The following GARRE1 variants were observed in gnomAD, a reference collection of about 807,000 sequenced individuals.
GARRE1 encodes the protein granule associated Rac and RHOG effector protein 1.
In GARRE1, 49 loss-of-function variants were observed where a neutral mutation model predicts 103.2. The observed-to-expected ratio is 0.47, with a 90% CI of 0.38 to 0.60. GARRE1 has a LOEUF of 0.60. Among genes scored for constraint, GARRE1 ranks in the 20% least tolerant of loss-of-function variants. GARRE1 has a pLI of 0.00. For synonymous variants in GARRE1, 505 were observed against 532.8 expected (o/e 0.95, Z 0.72); for missense variants, 1,199 against 1,370.5 (o/e 0.87, Z 1.98).
chr19:34,269,562 G>GTATT (rs898685783), intron 1 of GARRE1, among the ~76,000 whole-genome samples: 2 of 151,922 alleles, frequency 1.3e-5, no homozygotes, highest in African/African-American at 2.4e-5. Context: ...TTCTATTTAT[G>GTATT]TATTTATTTA....
rs752750303 is a variant in GARRE1 at position 34,339,977 on chromosome 19, G to T, written c.1472G>T (p.Arg491Leu). Reference sequence around the variant, plus strand: ...TACACAGCTGTGCTGGACCTAAACCGCTGGAGGGCTGGAAGGTTGGTGTCT... The same window carrying T: ...TACACAGCTGTGCTGGACCTAAACCTCTGGAGGGCTGGAAGGTTGGTGTCT... Reference protein sequence around the residue: ...VLYTAVLDLNRWRAGREQALP... With the variant: ...VLYTAVLDLNLWRAGREQALP... The change falls in exon 9 of 14, where the codon CGC (arginine) becomes CTC (leucine). Residue 491 changes from arginine (R) to leucine (L), a missense_variant. Arg to Leu is a moderately radical substitution (Grantham distance 102). Coordinates refer to ENST00000299505, the MANE Select transcript of GARRE1 (RefSeq NM_014686.5). The T allele has an allele frequency of 1.2e-6, 2 of 1,614,154 alleles. No homozygotes were observed. Among genetic ancestry groups the T allele is most frequent in the Non-Finnish European group, 8.5e-7 (1 of 1,180,028 alleles).
At chr19:34,260,464 A>T (rs2073710455) in intron 1 of GARRE1, among the ~76,000 whole-genome samples, 1 of 152,210 alleles carries the variant, frequency 6.6e-6, no homozygotes, top group Admixed American at 6.5e-5. Flanking sequence ...TCTTTTCCTG[A>T]TAATTTTGGC....
chr19:34,280,541 A>G (rs187522033), intron 1 of GARRE1, among the ~76,000 whole-genome samples: 24 of 152,262 alleles, frequency 1.6e-4, no homozygotes, highest in African/African-American at 5.5e-4. Flanking sequence ...TTTGATGCCT[A>G]AAAGTTTTGA....
At chr19:34,307,629 AC>A (rs1480400536) in intron 2 of GARRE1, among the ~76,000 whole-genome samples, 2 of 144,278 alleles carry the variant, frequency 1.4e-5, no homozygotes, top group East Asian at 3.9e-4. Context: ...ACTTATATAT[AC>A]ATATATACTT....
At chr19:34,344,867 C>T (rs1351088684) in intron 10 of GARRE1, among the ~76,000 whole-genome samples, 1 of 149,834 alleles carries the variant, frequency 6.7e-6, no homozygotes, top group African/African-American at 2.5e-5. Flanking sequence ...TACGGAGTCT[C>T]GCTCTACCGC....
At chr19:34,333,139 T>G (rs1238606083) in intron 7 of GARRE1, among the ~76,000 whole-genome samples, 1 of 152,144 alleles carries the variant, frequency 6.6e-6, no homozygotes, top group Non-Finnish European at 1.5e-5. Context: ...CTCTGCCTCC[T>G]GGGTTCAAGC....
intron 1 of GARRE1, among the ~76,000 whole-genome samples, chr19:34,260,884 A>G (rs1008723518): frequency 1.3e-5 from 2 of 152,234 alleles, no homozygotes; most frequent in Non-Finnish European, 2.9e-5. Flanking sequence ...TTGTATCCTC[A>G]GAAGAAATAC....
chr19:34,269,279 T>A (rs2073771967), intron 1 of GARRE1, among the ~76,000 whole-genome samples: 1 of 152,294 alleles, frequency 6.6e-6, no homozygotes, highest in South Asian at 2.1e-4. Flanking sequence ...CACATGAGAT[T>A]GGTAGCGAGC....
chr19:34,320,166 T>C (rs2074079660), intron 3 of GARRE1, 50 bp downstream of exon 3: 3 of 1,492,740 alleles, frequency 2.0e-6, no homozygotes, highest in African/African-American at 1.4e-5. Flanking sequence ...TAGGAGAGGC[T>C]CCAGAGGGCC....
intron 7 of GARRE1, among the ~76,000 whole-genome samples, chr19:34,332,556 C>T (rs1205027608): frequency 4.6e-5 from 7 of 151,964 alleles, no homozygotes; most frequent in African/African-American, 1.5e-4. Flanking sequence ...GGTTATGGTT[C>T]TGGGGATGGG....
At chr19:34,328,300 C>T (rs1284905829) in intron 6 of GARRE1, 149 bp downstream of exon 6, 24 of 808,316 alleles carry the variant, frequency 3.0e-5, no homozygotes, top group South Asian at 7.5e-5. Flanking sequence ...CTTTGGGAGG[C>T]GGGCGGATCA....
chr19:34,327,674 TA>T (rs2074118143), intron 4 of GARRE1, 96 bp from the exon 5 acceptor site: 4 of 1,468,612 alleles, frequency 2.7e-6, no homozygotes, highest in Non-Finnish European at 3.8e-6. Context: ...ATTGACCTTT[TA>T]ATAGCTATAG....
chr19:34,278,502 C>T (rs1019577695), intron 1 of GARRE1, among the ~76,000 whole-genome samples: 1 of 151,510 alleles, frequency 6.6e-6, no homozygotes, highest in African/African-American at 2.4e-5. Context: ...CCCATTTTCC[C>T]CTTCTCTCAG....
chr19:34,339,733 C>A (rs1322467779), intron 8 of GARRE1, 134 bp from the exon 9 acceptor site: 3 of 1,010,772 alleles, frequency 3.0e-6, no homozygotes, highest in Non-Finnish European at 4.5e-6. Flanking sequence ...TTGTTCTCTC[C>A]ATGTTCTTAC....
rs148017219 is a variant in GARRE1 at position 34,307,792 on chromosome 19, T to TAAA, written c.495+6832_495+6834dup. On this transcript the variant is annotated intron_variant, in intron 2 of 13. Transcript: ENST00000299505. ...TATATACTATAAAATATATATACTA[T>TAAA]AAAAAAAAAATATATATATATATTT... 1.2e-4 allele frequency among the ~76,000 whole-genome samples: 13 copies of TAAA among 109,072 alleles called. 1 individual carries two copies. The highest frequency in any genetic ancestry group is 3.6e-4 in the African/African-American group (11 of 30,762). The allele number at this position is 109,072 out of a possible 152,430, so 71.6% of individuals were successfully genotyped here. A position where few individuals can be genotyped will look rare whatever the true frequency, so the allele number is the denominator to read the frequency against.
chr19:34,301,059 A>C, intron 2 of GARRE1, 91 bp downstream of exon 2: 2 of 1,327,502 alleles, frequency 1.5e-6, no homozygotes, highest in South Asian at 1.4e-5. Context: ...AAATCACTGT[A>C]ATAGTAGCCT....
chr19:34,335,165 AG>A (rs2074155532), intron 8 of GARRE1, among the ~76,000 whole-genome samples: 1 of 152,250 alleles, frequency 6.6e-6, no homozygotes, highest in African/African-American at 2.4e-5. Context: ...ACAGGCAAAG[AG>A]GTTGTTGAGT....
rs188939468 is a variant in GARRE1, at chr19:34,263,667, A to G, written c.-796+9053A>G. 2.7e-3 allele frequency among the ~76,000 whole-genome samples: 406 copies of G among 152,142 alleles called. 3 individuals are homozygous for G. Among genetic ancestry groups the G allele is most frequent in the African/African-American group, 7.3e-3 (303 of 41,520 alleles). On this transcript the variant is annotated intron_variant, in intron 1 of 13. Coordinates refer to ENST00000299505, the MANE Select transcript of GARRE1 (RefSeq NM_014686.5). ...TAATTTTTGTATTTTTAATAGAGAC[A>G]GGGTTTCACCATGTTGGCCATGTTG...
chr19:34,310,475 A>G (rs745871223), intron 2 of GARRE1, among the ~76,000 whole-genome samples: 20 of 152,220 alleles, frequency 1.3e-4, no homozygotes, highest in Non-Finnish European at 2.5e-4. Flanking sequence ...CCCTCTGCTA[A>G]TGGTGAAATG....
Sources: allele counts gnomAD v4.1 joint callset (sites outside exome capture counted in the v4.1 genomes callset), GRCh38; gene constraint gnomAD v4.1.1; transcripts MANE v1.5; gene names NCBI Gene and HGNC (gene_info 2026-07-23, HGNC 2026-07-21).